P3H2: variants seen among roughly 807,000 people sequenced by gnomAD.
P3H2 encodes prolyl 3-hydroxylase 2.
Under a neutral mutation model 87.0 loss-of-function variants are expected in P3H2, and 80 were observed. The observed-to-expected ratio is 0.92, with a 90% CI of 0.77 to 1.11. The LOEUF (loss-of-function observed/expected upper bound fraction) is 1.11. Ranked by LOEUF, P3H2 falls within the 50% of genes least tolerant of loss-of-function variation. P3H2 has a pLI of 0.00. For missense variants in P3H2, 1,001 were observed against 923.9 expected (o/e 1.08, Z -1.08); for synonymous variants, 367 against 359.3 (o/e 1.02, Z -0.24).
At chr3:190,005,206 G>A (rs1456686758) in intron 1 of P3H2, among the ~76,000 whole-genome samples, 1 of 152,152 alleles carries the variant, frequency 6.6e-6, no homozygotes, top group Non-Finnish European at 1.5e-5. Context: ...AAAGTTTGTT[G>A]CTGTGTCTGC....
At chr3:190,097,289 T>TAAAA (rs779372901) in intron 1 of P3H2, among the ~76,000 whole-genome samples, 12 of 148,664 alleles carry the variant, frequency 8.1e-5, no homozygotes, top group Non-Finnish European at 1.2e-4. Flanking sequence ...TTACTAAAAG[T>TAAAA]AAAACAAACA....
At chr3:190,035,322 G>C (rs1725386078) in intron 1 of P3H2, among the ~76,000 whole-genome samples, 1 of 151,884 alleles carries the variant, frequency 6.6e-6, no homozygotes, top group South Asian at 2.1e-4. Context: ...AACTTCTCTG[G>C]TTCATTCTAT....
chr3:189,971,398 A>G (rs773712243), intron 12 of P3H2: 1 of 233,750 alleles, frequency 4.3e-6, no homozygotes, highest in Non-Finnish European at 8.4e-6. Flanking sequence ...CATGGTGACT[A>G]TAACTCCTGA....
chr3:190,120,143 G>A (rs1293085873), intron 1 of P3H2, 109 bp downstream of exon 1: 1 of 1,291,330 alleles, frequency 7.7e-7, no homozygotes, highest in Non-Finnish European at 1.1e-6. Context: ...CATATTTAAG[G>A]AGACCCAATT....
intron 1 of P3H2, among the ~76,000 whole-genome samples, chr3:190,108,663 C>T (rs1711947319): frequency 6.6e-6 from 1 of 151,914 alleles, no homozygotes; most frequent in Non-Finnish European, 1.5e-5. Context: ...TTGTTTTTTT[C>T]AATGGACTGT....
intron 1 of P3H2, among the ~76,000 whole-genome samples, chr3:189,998,695 T>C (rs1311136454): frequency 1.3e-5 from 2 of 152,200 alleles, no homozygotes. Context: ...AAAAAACTTG[T>C]AAGAAGTAAC....
chr3:190,026,400 G>C (rs1487983305), intron 1 of P3H2, among the ~76,000 whole-genome samples: 2 of 152,142 alleles, frequency 1.3e-5, no homozygotes, highest in Admixed American at 1.3e-4. Flanking sequence ...AGGTCATACA[G>C]ACCTTGCTGA....
intron 9 of P3H2, 147 bp downstream of exon 9, chr3:189,974,411 G>C: frequency 7.1e-6 from 8 of 1,119,736 alleles, no homozygotes; most frequent in Non-Finnish European, 1.0e-5. Flanking sequence ...GGCTATAAAA[G>C]TTCCTCAAAA....
In P3H2 at chr3:190,120,465, C is replaced by G. The variant is rs1712514596; in HGVS notation, c.267G>C (p.Ala89=). 17 of 1,416,698 alleles carry G rather than the reference C, an allele frequency of 1.2e-5. No homozygotes were observed. Among genetic ancestry groups the G allele is most frequent in the Non-Finnish European group, 1.5e-5 (16 of 1,096,954 alleles). The allele number at this position is 1,416,698 out of a possible 1,614,324, so 87.8% of individuals were successfully genotyped here. A position where few individuals can be genotyped will look rare whatever the true frequency, so the allele number is the denominator to read the frequency against. The part of the protein sequence containing the change: ...EIRTRCARHC[A]ARHPLPPPPP... The stretch of plus-strand genomic sequence containing the variant: ...GCGGGGGCGGGAGCGGGTGGCGCGC[C>G]GCGCAGTGGCGGGCACAGCGCGTGC... Residue 89 remains alanine, a synonymous_variant, in exon 1 of 15, where the codon GCG becomes GCC. Coordinates refer to ENST00000319332, the MANE Select transcript of P3H2 (RefSeq NM_018192.4).
intron 7 of P3H2, 176 bp from the exon 8 acceptor site, chr3:189,983,316 C>T: frequency 1.7e-6 from 1 of 594,586 alleles, no homozygotes; most frequent in Middle Eastern, 4.5e-4. Context: ...TCTCTATTTC[C>T]TCGGTGAGTT....
intron 13 of P3H2, chr3:189,969,304 G>C: frequency 1.1e-6 from 1 of 917,206 alleles, no homozygotes; most frequent in Non-Finnish European, 1.8e-6. Flanking sequence ...CACCCCCCAG[G>C]TGCAGAACAT....
At chr3:190,072,921 C>T (rs1284209161) in intron 1 of P3H2, among the ~76,000 whole-genome samples, 2 of 152,132 alleles carry the variant, frequency 1.3e-5, no homozygotes, top group Admixed American at 1.3e-4. Context: ...AAATTATCTA[C>T]CATGAACATA....
intron 1 of P3H2, among the ~76,000 whole-genome samples, chr3:190,028,712 T>A (rs1725161153): frequency 6.6e-6 from 1 of 152,094 alleles, no homozygotes; most frequent in Non-Finnish European, 1.5e-5. Context: ...ATTATTTTAA[T>A]AATTGTTTGA....
chr3:190,002,133 T>A (rs967735897), intron 1 of P3H2, among the ~76,000 whole-genome samples: 1 of 152,124 alleles, frequency 6.6e-6, no homozygotes, highest in Non-Finnish European at 1.5e-5. Flanking sequence ...GCAAATAACT[T>A]TGCATTTTAT....
chr3:190,012,232 GT>G (rs1189176077), intron 1 of P3H2, among the ~76,000 whole-genome samples: 26 of 151,030 alleles, frequency 1.7e-4, no homozygotes, highest in African/African-American at 6.4e-4. Context: ...GTGTGTGTGT[GT>G]GTGTGTGTAG....
chr3:189,995,327 G>T lies in P3H2; in HGVS notation c.596C>A (p.Ala199Glu), dbSNP rs1333924285. ...GGCTTCTCTGTCTACCAACTGCAAT[G>T]CTTCAACACCAGCTGTCGCCCTGTA... ...ENYRATAGVE[A>E]LQLVDREAKP... is the part of the protein sequence containing the mutation. The change falls in exon 2 of 15, where the codon GCA becomes GAA. Residue 199 changes from alanine to glutamate, a missense_variant. Transcript: ENST00000319332. 1 of 1,614,096 alleles carries T rather than the reference G, an allele frequency of 6.2e-7. No homozygotes were observed. The highest frequency in any genetic ancestry group is 1.1e-5 in the South Asian group (1 of 91,086).
chr3:189,986,457 C>T (rs1468914571), intron 6 of P3H2, among the ~76,000 whole-genome samples: 1 of 152,048 alleles, frequency 6.6e-6, no homozygotes, highest in African/African-American at 2.4e-5. Flanking sequence ...GGCATTGTGG[C>T]GTGTGCCTGT....
intron 1 of P3H2, among the ~76,000 whole-genome samples, chr3:190,035,918 A>C (rs1719615): frequency 0.8 from 122,403 of 152,074 alleles, 49,315 homozygotes; most frequent in East Asian, 0.86. Flanking sequence ...AGGTTATGTT[A>C]TCAATTGTTA....
chr3:190,025,669 C>A (rs1577280605), intron 1 of P3H2, among the ~76,000 whole-genome samples: 1 of 152,098 alleles, frequency 6.6e-6, no homozygotes, highest in East Asian at 1.9e-4. Flanking sequence ...ATTGCAGCCC[C>A]AAAATAGATA....
Sources: gnomAD v4.1 joint callset for allele counts (sites outside exome capture counted in the v4.1 genomes callset) on GRCh38, gnomAD v4.1.1 for gene constraint, MANE v1.5 for transcripts, NCBI Gene and HGNC (gene_info 2026-07-23, HGNC 2026-07-21) for gene names.